STX3: variants seen among roughly 807,000 people sequenced by gnomAD.
The protein encoded by STX3 is syntaxin-3.
A neutral mutation model predicts 40.2 loss-of-function variants in STX3; 19 were observed. The ratio of observed to expected loss-of-function variants is 0.47; its 90% CI spans 0.33 to 0.69. The LOEUF (loss-of-function observed/expected upper bound fraction) is 0.69. Ranked by LOEUF, STX3 falls within the 30% of genes least tolerant of loss-of-function variation. The pLI is 0.02. For synonymous variants in STX3, 122 were observed against 132.2 expected, an observed-to-expected ratio of 0.92 and a Z score of 0.53; for missense variants, 364 against 366.7, an observed-to-expected ratio of 0.99 and a Z score of 0.06.
intron 8 of STX3, 90 bp downstream of exon 8, chr11:59,793,604 G>A (rs969823528): frequency 2.7e-6 from 4 of 1,488,910 alleles, no homozygotes; most frequent in East Asian, 2.3e-5. Flanking sequence ...CTGGAAGCCA[G>A]TGAGGTAGGG....
chr11:59,769,291 G>A (rs1863436753), intron 1 of STX3, among the ~76,000 whole-genome samples: 1 of 152,156 alleles, frequency 6.6e-6, no homozygotes. Context: ...AGGAGGATGA[G>A]GATGGGTGCG....
In STX3 at chr11:59,793,530, T is replaced by G. The variant is rs1274071900; in HGVS notation, c.675+16T>G. 1 of 1,607,334 alleles carries G rather than the reference T, an allele frequency of 6.2e-7. No homozygotes were observed. The highest frequency in any genetic ancestry group is 8.5e-7 in the Non-Finnish European group (1 of 1,175,248). ...GGAGAATCAGGTAAGTGGCAGTGAG[T>G]CCCAGCGTGGGGAGGGAGGAGAGGA... On this transcript the variant is annotated intron_variant, in intron 8 of 10. Transcript: ENST00000337979.
intron 4 of STX3, 37 bp downstream of exon 4, chr11:59,788,984 C>G (rs746540953): frequency 6.4e-7 from 1 of 1,562,256 alleles, no homozygotes; most frequent in Admixed American, 1.8e-5. Context: ...CCGTCCCCAC[C>G]ACCATCTATC....
intron 4 of STX3, 87 bp downstream of exon 4, chr11:59,789,034 T>G (rs1484150783): frequency 1.6e-6 from 2 of 1,219,100 alleles, no homozygotes; most frequent in Admixed American, 4.3e-5. Flanking sequence ...CTGAAACTCC[T>G]CTTGATGGAA....
chr11:59,781,779 C>T, intron 2 of STX3: 1 of 1,514,848 alleles, frequency 6.6e-7, no homozygotes, highest in East Asian at 2.4e-5. Flanking sequence ...AGCAAAGAAG[C>T]AAACAAATTA....
rs995875794 is a variant in STX3 at position 59,801,615 on chromosome 11, G to C, written c.*791G>C. The C allele has an allele frequency of 2.9e-5, 29 of 985,436 alleles. 1 individual carries two copies. The South Asian group carries it at 4.7e-4, about 16-fold the overall frequency. 61.0% of individuals were successfully genotyped at this position (985,436 alleles called of 1,614,324 possible). ...ATTGTTAGAAAGTGATGCTTTGTGA[G>C]ACTATTGTCTTGGGGCCAAAAATAA... On this transcript the variant is annotated 3_prime_UTR_variant, in exon 11 of 11. Coordinates refer to ENST00000337979, the MANE Select transcript of STX3 (RefSeq NM_004177.5).
intron 4 of STX3, 114 bp from the exon 5 acceptor site, chr11:59,790,405 C>T (rs1188641908): frequency 6.4e-6 from 5 of 787,236 alleles, no homozygotes; most frequent in Middle Eastern, 2.4e-4. Flanking sequence ...GTGACACCTA[C>T]CTGTTACATC....
At chr11:59,779,836 G>A (rs1864238566) in intron 2 of STX3, among the ~76,000 whole-genome samples, 1 of 152,142 alleles carries the variant, frequency 6.6e-6, no homozygotes, top group Non-Finnish European at 1.5e-5. Flanking sequence ...TGAAGCATAT[G>A]GATTTGCTAG....
chr11:59,793,090 G>A lies in STX3; in HGVS notation c.467-9G>A, dbSNP rs1186883713. The A allele has an allele frequency of 6.2e-7, 1 of 1,613,054 alleles. No homozygotes were observed. The highest frequency in any genetic ancestry group is 1.7e-5 in the Admixed American group (1 of 59,976). ...TTATATTTGACGCTCTACTTCTTTT[G>A]TTACAAAGCTGGCAAAAAGACAACC... On this transcript the variant is annotated splice_polypyrimidine_tract_variant and intron_variant, in intron 6 of 10. Transcript: ENST00000337979.
chr11:59,755,298 A>G (rs1862640960), upstream of STX3: 2 of 243,676 alleles, frequency 8.2e-6, no homozygotes, highest in Non-Finnish European at 1.5e-5. Flanking sequence ...CGGGCCCTTT[A>G]AGAAGGAGCG....
chr11:59,805,752 T>G lies in STX3; in HGVS notation c.*4928T>G, dbSNP rs964327577. The G allele has an allele frequency of 2.6e-5, 4 of 152,772 alleles. No individual in the cohort carries two copies. The highest frequency in any genetic ancestry group is 9.6e-5 in the African/African-American group (4 of 41,474). The allele number at this position is 152,772 out of a possible 1,614,324, so 9.5% of individuals were successfully genotyped here. A position where few individuals can be genotyped will look rare whatever the true frequency, so the allele number is the denominator to read the frequency against. On this transcript the variant is annotated 3_prime_UTR_variant, in exon 11 of 11. Transcript: ENST00000337979. ...AGACCCAGAAAAGGCCACGCAGTTC[T>G]AACTTTTGTCATCGGTTCCTTTTGC...
intron 1 of STX3, 99 bp downstream of exon 1, chr11:59,755,734 C>A: frequency 7.1e-7 from 1 of 1,407,366 alleles, no homozygotes. Flanking sequence ...GGGCCCGAGC[C>A]GGAGGCTTGC....
chr11:59,801,456 T>G lies in STX3; in HGVS notation c.*632T>G. 1 of 986,506 alleles carries G rather than the reference T, an allele frequency of 1.0e-6. No individual in the cohort carries two copies. The allele number at this position is 986,506 out of a possible 1,614,324, so 61.1% of individuals were successfully genotyped here. On this transcript the variant is annotated 3_prime_UTR_variant, in exon 11 of 11. Coordinates refer to ENST00000337979, the MANE Select transcript of STX3 (RefSeq NM_004177.5). ...GTTCAGCTTGGGGGGCAACTTTGAT[T>G]TTTCTCTGTGTTGTAGTCTCTCATA...
chr11:59,764,820 T>C lies in STX3; in HGVS notation c.31-8391T>C, dbSNP rs115695653. On this transcript the variant is annotated intron_variant, in intron 1 of 10. Coordinates refer to ENST00000337979, the MANE Select transcript of STX3 (RefSeq NM_004177.5). ...AAGTAATATTTGTCCCTCAGAGGGT[T>C]GATGTGAGAATTAATACATTTGAAA... Among the ~76,000 whole-genome samples the C allele has an allele frequency of 1.6e-3, 244 of 152,108 alleles. 1 individual carries two copies. The highest frequency in any genetic ancestry group is 5.6e-3 in the African/African-American group (234 of 41,494).
rs143711880 is a variant in STX3, at chr11:59,786,959, G to A, written c.115-78G>A. The A allele has an allele frequency of 8.9e-4, 1,149 of 1,290,446 alleles. 8 individuals are homozygous for A. The African/African-American group carries it at 0.015, about 17-fold the overall frequency. 79.9% of individuals were successfully genotyped at this position (1,290,446 alleles called of 1,614,324 possible). A position where few individuals can be genotyped will look rare whatever the true frequency, so the allele number is the denominator to read the frequency against. ...AGAAGATGGGCAGCTTTCACCAGCA[G>A]CTCTGCCAAACGTTTATCTCAGCCA... is the stretch of plus-strand genomic sequence containing the variant. On this transcript the variant is annotated intron_variant, in intron 2 of 10. Transcript: ENST00000337979.
At chr11:59,796,337 C>G (rs1865516533) in intron 9 of STX3, among the ~76,000 whole-genome samples, 1 of 152,218 alleles carries the variant, frequency 6.6e-6, no homozygotes, top group South Asian at 2.1e-4. Context: ...TTAAGGACTT[C>G]TAGGCTTCTG....
At chr11:59,787,895 A>C (rs1039569816) in intron 3 of STX3, among the ~76,000 whole-genome samples, 1 of 151,912 alleles carries the variant, frequency 6.6e-6, no homozygotes, top group Admixed American at 6.6e-5. Flanking sequence ...CCACTCTTTC[A>C]TTTTTCCCAT....
chr11:59,795,798 G>T, intron 9 of STX3: 1 of 1,189,890 alleles, frequency 8.4e-7, no homozygotes, highest in Non-Finnish European at 1.2e-6. Flanking sequence ...GTGTTCTTGA[G>T]CCCATGCCTC....
At chr11:59,799,001 C>T (rs540984092) in intron 10 of STX3, among the ~76,000 whole-genome samples, 36 of 152,212 alleles carry the variant, frequency 2.4e-4, no homozygotes, top group Non-Finnish European at 3.1e-4. Context: ...GTGATCCTTC[C>T]GCCTCAGCCT....
Sources: gnomAD v4.1 joint callset for allele counts (sites outside exome capture counted in the v4.1 genomes callset) on GRCh38, gnomAD v4.1.1 for gene constraint, MANE v1.5 for transcripts, NCBI Gene and HGNC (gene_info 2026-07-23, HGNC 2026-07-21) for gene names.